The following AFF4 variants were observed in gnomAD, a reference collection of about 807,000 sequenced individuals.
AFF4 encodes ALF transcription elongation factor 4.
Under a neutral mutation model 124.8 loss-of-function variants are expected in AFF4, and 13 were observed. The ratio of observed to expected loss-of-function variants is 0.10; its 90% CI spans 0.07 to 0.17. AFF4 has a LOEUF of 0.17. Among genes scored for constraint, AFF4 ranks in the 10% least tolerant of loss-of-function variants. The probability of loss-of-function intolerance (pLI) is 1.00; values close to 1 mark genes in which losing one functional copy is unlikely to be tolerated. For synonymous variants in AFF4, 477 were observed against 496.1 expected (o/e 0.96, Z 0.51); for missense variants, 1,092 against 1,403.8 (o/e 0.78, Z 3.55).
At chr5:132,953,856 C>T (rs1034148379) in intron 1 of AFF4, among the ~76,000 whole-genome samples, 2 of 152,176 alleles carry the variant, frequency 1.3e-5, no homozygotes, top group Non-Finnish European at 2.9e-5. Flanking sequence ...CTACTTCCCT[C>T]GGTCTCTCTT....
At chr5:132,886,636 A>C (rs1386677943) in intron 17 of AFF4, among the ~76,000 whole-genome samples, 1 of 152,242 alleles carries the variant, frequency 6.6e-6, no homozygotes, top group Non-Finnish European at 1.5e-5. Context: ...ACATTCCAAA[A>C]TCCAAACCTT....
rs539372808 is a variant in AFF4 at position 132,923,295 on chromosome 5, G to A, written c.1050+3826C>T. Among the ~76,000 whole-genome samples, 7 of 152,190 alleles carry A rather than the reference G, an allele frequency of 4.6e-5. No individual in the cohort carries two copies. In the South Asian group the frequency reaches 1.2e-3, roughly 27 times the overall value. On this transcript the variant is annotated intron_variant, in intron 5 of 20. Transcript: ENST00000265343. Reference sequence around the variant, plus strand: ...GAGCCTGGGAGGTCGAGGCTGCAATGAGCCATGATCCCGCCACTGCACTGC... The same window carrying A: ...GAGCCTGGGAGGTCGAGGCTGCAATAAGCCATGATCCCGCCACTGCACTGC...
chr5:132,940,979 A>G (rs1250170174), intron 1 of AFF4, among the ~76,000 whole-genome samples: 1 of 151,908 alleles, frequency 6.6e-6, no homozygotes, highest in Non-Finnish European at 1.5e-5. Flanking sequence ...GTGAGCTGAG[A>G]TTGCATCACT....
chr5:132,885,457 C>A (rs1271103301), intron 18 of AFF4, among the ~76,000 whole-genome samples: 1 of 67,546 alleles, frequency 1.5e-5, no homozygotes, highest in African/African-American at 7.8e-5. Flanking sequence ...AAAACTCCCT[C>A]TTAAAAAAGG....
chr5:132,915,068 G>A (rs1357641040), intron 5 of AFF4, among the ~76,000 whole-genome samples: 1 of 152,164 alleles, frequency 6.6e-6, no homozygotes. Flanking sequence ...GCCAGGCACG[G>A]TGGCTCATGC....
At chr5:132,953,034 GA>G (rs1761880253) in intron 1 of AFF4, among the ~76,000 whole-genome samples, 3 of 151,872 alleles carry the variant, frequency 2.0e-5, no homozygotes, top group Admixed American at 2.0e-4. Context: ...GGCTATCTAA[GA>G]AATCTAAATC....
chr5:132,886,182 GA>G, intron 18 of AFF4, 127 bp downstream of exon 18: 1 of 761,620 alleles, frequency 1.3e-6, no homozygotes, highest in Non-Finnish European at 2.2e-6. Context: ...AAACTTATTT[GA>G]AAAGTCCCAA....
At chr5:132,899,789 T>C (rs1760503853) in intron 7 of AFF4, 148 bp from the exon 8 acceptor site, 2 of 585,556 alleles carry the variant, frequency 3.4e-6, no homozygotes, top group Admixed American at 2.9e-5. Flanking sequence ...TCTTATTCTA[T>C]CTGGTTTGGT....
chr5:132,910,285 G>T (rs1184453056), intron 5 of AFF4, among the ~76,000 whole-genome samples: 1 of 152,168 alleles, frequency 6.6e-6, no homozygotes, highest in African/African-American at 2.4e-5. Flanking sequence ...TACTAAACCA[G>T]CTCCCCAATA....
At chr5:132,947,426 T>C (rs774482703) in intron 1 of AFF4, among the ~76,000 whole-genome samples, 1 of 152,106 alleles carries the variant, frequency 6.6e-6, no homozygotes, top group Non-Finnish European at 1.5e-5. Context: ...TAAAACTATT[T>C]AGTGTAAAAT....
chr5:132,954,023 T>C (rs1170932672), intron 1 of AFF4, among the ~76,000 whole-genome samples: 3 of 152,198 alleles, frequency 2.0e-5, no homozygotes, highest in African/African-American at 4.8e-5. Flanking sequence ...GATCTGACTC[T>C]TGTCTCCTCA....
rs184751105 is a variant in AFF4 at position 132,897,025 on chromosome 5, G to C, written c.1605C>G (p.Thr535=). 2.5e-5 allele frequency: 41 copies of C among 1,614,186 alleles called. No homozygotes were observed. In the East Asian group the frequency reaches 8.9e-4, roughly 35 times the overall value. Residue 535 remains threonine (T), a synonymous_variant, in exon 11 of 21, where the codon ACC becomes ACG. Transcript: ENST00000265343. ...GCCCACTTTCTGATCCCTTTTGGATGGTTTTGGAGTCTCGTCCCGGAGTAG... is the reference window on the plus strand; with the variant it reads ...GCCCACTTTCTGATCCCTTTTGGATCGTTTTGGAGTCTCGTCCCGGAGTAG... ...SSATPGRDSK[T]IQKGSESGRG...
At chr5:132,959,531 G>A (rs1381117023) in intron 1 of AFF4, among the ~76,000 whole-genome samples, 1 of 151,976 alleles carries the variant, frequency 6.6e-6, no homozygotes, top group Non-Finnish European at 1.5e-5. Context: ...GGAATACTCT[G>A]GAATTGAATT....
At chr5:132,942,567 T>C (rs985328830) in intron 1 of AFF4, among the ~76,000 whole-genome samples, 1 of 151,516 alleles carries the variant, frequency 6.6e-6, no homozygotes, top group Non-Finnish European at 1.5e-5. Flanking sequence ...CGGATTCAAG[T>C]GATTCTCCTA....
rs1759838807 is a variant in AFF4 at position 132,876,292 on chromosome 5, ACAC to A, written c.*4764_*4766del. ...GTTGTAAAATGGGGACACTTCTGGAACACCAACAACAAACTCAACAATATGGAT... is the reference window on the plus strand; with the variant it reads ...GTTGTAAAATGGGGACACTTCTGGAACAACAACAAACTCAACAATATGGAT... On this transcript the variant is annotated 3_prime_UTR_variant, in exon 21 of 21. Transcript: ENST00000265343. 1.3e-5 allele frequency: 3 copies of A among 228,148 alleles called. No individual in the cohort carries two copies. The South Asian group carries it at 5.5e-4, about 42-fold the overall frequency. 14.1% of individuals were successfully genotyped at this position (228,148 alleles called of 1,614,324 possible). A position where few individuals can be genotyped will look rare whatever the true frequency, so the allele number is the denominator to read the frequency against.
chr5:132,927,380 A>G (rs1581312083), intron 4 of AFF4, 173 bp from the exon 5 acceptor site: 5 of 520,582 alleles, frequency 9.6e-6, no homozygotes, highest in South Asian at 8.3e-5. Context: ...TGGTGTAGGT[A>G]ATAAGAAGAT....
chr5:132,936,798 T>C (rs1219226251), intron 2 of AFF4, among the ~76,000 whole-genome samples: 1 of 152,346 alleles, frequency 6.6e-6, no homozygotes, highest in African/African-American at 2.4e-5. Flanking sequence ...CTGGTAATGC[T>C]CTATTTCTTG....
chr5:132,916,085 A>C (rs1760902082), intron 5 of AFF4, among the ~76,000 whole-genome samples: 1 of 151,830 alleles, frequency 6.6e-6, no homozygotes, highest in Non-Finnish European at 1.5e-5. Flanking sequence ...TCTCTACTAA[A>C]AAATTATCTG....
intron 11 of AFF4, among the ~76,000 whole-genome samples, chr5:132,895,427 G>A (rs1760364467): frequency 6.6e-6 from 1 of 152,176 alleles, no homozygotes; most frequent in Non-Finnish European, 1.5e-5. Flanking sequence ...TCTCCCTGTA[G>A]TATATGTGAT....
Sources: gnomAD v4.1 joint callset for allele counts (sites outside exome capture counted in the v4.1 genomes callset) on GRCh38, gnomAD v4.1.1 for gene constraint, MANE v1.5 for transcripts, NCBI Gene and HGNC (gene_info 2026-07-23, HGNC 2026-07-21) for gene names.